The following PHACTR2 variants were observed in gnomAD, a reference collection of about 807,000 sequenced individuals.
The protein encoded by PHACTR2 is chromosome 6 open reading frame 56.
A neutral mutation model predicts 76.0 loss-of-function variants in PHACTR2; 30 were observed. That is an observed-to-expected ratio of 0.39 (90% CI 0.30 to 0.54). The LOEUF is 0.54. PHACTR2 is among the 20% of genes least tolerant of loss of function. PHACTR2 has a pLI of 0.61. For missense variants in PHACTR2, 696 were observed against 781.1 expected, an observed-to-expected ratio of 0.89 and a Z score of 1.30; for synonymous variants, 292 against 292.5, an observed-to-expected ratio of 1.00 and a Z score of 0.02.
rs116599312 is a variant in PHACTR2 at position 143,806,826 on chromosome 6, G to T, written c.1846-231G>T. ...TTAAAAATTAGCTGAGCATGGTGGC[G>T]CACACCTGTAATCCGAGCTACTGGG... On this transcript the variant is annotated intron_variant, in intron 11 of 12. Transcript: ENST00000440869. This position sits in a 1 kb window ranked among gnomAD's most constrained non-coding sequence, Gnocchi z 5.8. Among the ~76,000 whole-genome samples, 2,150 of 151,898 alleles carry T rather than the reference G, an allele frequency of 0.014. 47 individuals carry two copies. The highest frequency in any genetic ancestry group is 0.048 in the African/African-American group (1,982 of 41,434).
intron 1 of PHACTR2, among the ~76,000 whole-genome samples, chr6:143,560,788 G>A (rs945397333): frequency 3.3e-5 from 5 of 152,058 alleles, no homozygotes; most frequent in Non-Finnish European, 5.9e-5. Context: ...AAGGGTAGCA[G>A]CTTGGGTGCA....
upstream of PHACTR2, among the ~76,000 whole-genome samples, chr6:143,604,948 A>G (rs1388066275): frequency 6.6e-6 from 1 of 151,598 alleles, no homozygotes; most frequent in African/African-American, 2.4e-5. Flanking sequence ...GGGAGCCAAG[A>G]CATTATCTTC....
intron 1 of PHACTR2, among the ~76,000 whole-genome samples, chr6:143,613,115 T>A (rs1776006685): frequency 6.6e-6 from 1 of 152,240 alleles, no homozygotes; most frequent in Non-Finnish European, 1.5e-5. Flanking sequence ...TAGCTGGGAC[T>A]ACAGGCGCCT....
chr6:143,808,389 A>AG (rs1776108702), intron 12 of PHACTR2, among the ~76,000 whole-genome samples: 1 of 151,660 alleles, frequency 6.6e-6, no homozygotes, highest in Non-Finnish European at 1.5e-5. Context: ...TCAGCCTCTC[A>AG]GAATGCTGGG....
Position 143,616,688 on chromosome 6 carries a change from A to G in PHACTR2, c.13+8366A>G, listed in dbSNP as rs1776063477. Among the ~76,000 whole-genome samples the G allele has an allele frequency of 6.6e-6, 1 of 152,182 alleles. No homozygotes were observed. Among genetic ancestry groups the G allele is most frequent in the South Asian group, 2.1e-4 (1 of 4,830 alleles). ...AGAAAGCAAAATTAGTAATGAATAG[A>G]CAAAATGCTTGGGGTTGTGATCAGT... is the stretch of plus-strand genomic sequence containing the variant. On this transcript the variant is annotated intron_variant, in intron 1 of 11. Transcript: ENST00000305766. This position sits in a 1 kb window ranked among gnomAD's most constrained non-coding sequence, Gnocchi z 4.9.
chr6:143,665,047 C>G (rs1369495469), intron 1 of PHACTR2, among the ~76,000 whole-genome samples: 1 of 152,058 alleles, frequency 6.6e-6, no homozygotes, highest in African/African-American at 2.4e-5. Flanking sequence ...GATCTGCCAG[C>G]CTCGGCCTCC....
At chr6:143,593,530 A>G (rs1034214976) in intron 1 of PHACTR2, among the ~76,000 whole-genome samples, 2 of 152,222 alleles carry the variant, frequency 1.3e-5, no homozygotes, top group African/African-American at 2.4e-5. Flanking sequence ...TATTCTTTTC[A>G]TATCTTGAAT....
At chr6:143,657,666 AT>A (rs1776872372) in intron 1 of PHACTR2, among the ~76,000 whole-genome samples, 2 of 152,318 alleles carry the variant, frequency 1.3e-5, no homozygotes, top group Admixed American at 1.3e-4. Flanking sequence ...GATTGAGCAG[AT>A]TGGGGAATAG....
upstream of PHACTR2, among the ~76,000 whole-genome samples, chr6:143,604,096 CAAAA>C (rs5880568): frequency 4.5e-5 from 5 of 110,338 alleles, no homozygotes; most frequent in Non-Finnish European, 9.4e-5. Context: ...GACTCTGATT[CAAAA>C]AAAAAAAAAA....
At chr6:143,636,987 C>G (rs1267489322) in intron 1 of PHACTR2, among the ~76,000 whole-genome samples, 2 of 152,192 alleles carry the variant, frequency 1.3e-5, no homozygotes, top group Non-Finnish European at 2.9e-5. Context: ...GCCACATGGC[C>G]CTAGGTGTCA....
chr6:143,593,454 G>T (rs1436229161), intron 1 of PHACTR2, among the ~76,000 whole-genome samples: 1 of 152,202 alleles, frequency 6.6e-6, no homozygotes, highest in East Asian at 1.9e-4. Flanking sequence ...GCTTCAAATA[G>T]TTACAGAAGA....
Position 143,765,331 on chromosome 6 carries a change from A to T in PHACTR2, c.765A>T (p.Ser255=), listed in dbSNP as rs749354271. Residue 255 remains serine (S), a synonymous_variant, in exon 6 of 13, where the codon TCA becomes TCT. Coordinates refer to ENST00000440869, the MANE Select transcript of PHACTR2 (RefSeq NM_001100164.2). The surrounding 1 kb of genome is among the most constrained non-coding windows in gnomAD (Gnocchi z 4.1). ...ASASPSTSST[S]SRPKASKETV... is the part of the protein sequence containing the mutation. ...CTTCGCCATCCACTTCATCCACCTC[A>T]TCTCGTCCCAAAGCTTCAAAGGAGA... The T allele has an allele frequency of 9.9e-6, 16 of 1,614,204 alleles. No individual in the cohort carries two copies. The highest frequency in any genetic ancestry group is 1.4e-5 in the Non-Finnish European group (16 of 1,180,040).
chr6:143,772,397 G>C lies in PHACTR2; in HGVS notation c.1372G>C (p.Gly458Arg), dbSNP rs760285057. 1 of 1,614,082 alleles carries C rather than the reference G, an allele frequency of 6.2e-7. No homozygotes were observed. Among genetic ancestry groups the C allele is most frequent in the South Asian group, 1.1e-5 (1 of 91,074 alleles). The change falls in exon 7 of 13, where the codon GGG (glycine) becomes CGG (arginine). Residue 458 changes from glycine to arginine, a missense_variant. Gly to Arg is a moderately radical substitution (Grantham distance 125). Transcript: ENST00000440869. The surrounding 1 kb of genome is among the most constrained non-coding windows in gnomAD (Gnocchi z 5.4). ...EYQANDSDSD[G>R]PILYTDDEDE... ...CCAAGCCAATGACTCTGACTCGGAC[G>C]GGCCTATCTTGTACACCGATGATGA...
chr6:143,687,553 G>C (rs188936755), intron 1 of PHACTR2, among the ~76,000 whole-genome samples: 1 of 152,222 alleles, frequency 6.6e-6, no homozygotes, highest in African/African-American at 2.4e-5. Flanking sequence ...ACAAAAGCAG[G>C]GGAACAAAAA....
intron 1 of PHACTR2, among the ~76,000 whole-genome samples, chr6:143,694,057 A>T (rs1777713785): frequency 6.6e-6 from 1 of 151,442 alleles, no homozygotes; most frequent in South Asian, 2.1e-4. Flanking sequence ...TGACAGACAG[A>T]GTGAGACCCT....
At chr6:143,719,812 A>ATTT (rs1778398178) in intron 2 of PHACTR2, among the ~76,000 whole-genome samples, 3 of 80,172 alleles carry the variant, frequency 3.7e-5, no homozygotes, top group Admixed American at 1.1e-4. Context: ...TGTGTTCGAC[A>ATTT]CTTTTTTTTT....
chr6:143,797,301 T>C (rs1048570923), intron 11 of PHACTR2, among the ~76,000 whole-genome samples: 1 of 152,254 alleles, frequency 6.6e-6, no homozygotes, highest in Non-Finnish European at 1.5e-5. Flanking sequence ...TTGTAGATTC[T>C]GGATATTAGC....
rs756615317 is a variant in PHACTR2 at position 143,793,437 on chromosome 6, C to T, written c.1845+4527C>T. Among the ~76,000 whole-genome samples, 1 of 152,118 alleles carries T rather than the reference C, an allele frequency of 6.6e-6. No homozygotes were observed. The highest frequency in any genetic ancestry group is 1.5e-5 in the Non-Finnish European group (1 of 68,020). ...CCTTGCAGATCTGAGCCCCAGAGCACAGCCACTGCCCCTCTCTCCTCACAC... is the reference window on the plus strand; with the variant it reads ...CCTTGCAGATCTGAGCCCCAGAGCATAGCCACTGCCCCTCTCTCCTCACAC... On this transcript the variant is annotated intron_variant, in intron 11 of 12. Transcript: ENST00000440869. This position sits in a 1 kb window ranked among gnomAD's most constrained non-coding sequence, Gnocchi z 4.4.
chr6:143,812,508 A>T lies in PHACTR2; in HGVS notation c.1922+5375A>T, dbSNP rs144151804. ...TGTCATGGAATACATTCCATGACAT[A>T]TTTGGTCTGTAGTGATGAAGAACTG... is the stretch of plus-strand genomic sequence containing the variant. On this transcript the variant is annotated intron_variant, in intron 12 of 12. Coordinates refer to ENST00000440869, the MANE Select transcript of PHACTR2 (RefSeq NM_001100164.2). Among the ~76,000 whole-genome samples the T allele has an allele frequency of 7.1e-3, 1,073 of 152,182 alleles. 12 individuals carry two copies. The highest frequency in any genetic ancestry group is 0.025 in the African/African-American group (1,021 of 41,516).
Sources: allele counts gnomAD v4.1 joint callset (sites outside exome capture counted in the v4.1 genomes callset), GRCh38; gene constraint gnomAD v4.1.1; non-coding constraint Gnocchi (gnomAD v3.1); transcripts MANE v1.5; gene names NCBI Gene and HGNC (gene_info 2026-07-23, HGNC 2026-07-21).